The following SUMF1 variants were observed in gnomAD, a reference collection of about 807,000 sequenced individuals.
SUMF1 encodes sulfatase modifying factor 1.
SUMF1 carries 48 observed loss-of-function variants against 47.6 expected under a neutral mutation model. That is an observed-to-expected ratio of 1.01 (90% CI 0.80 to 1.28). The LOEUF (loss-of-function observed/expected upper bound fraction) is 1.28. Ranked by LOEUF, SUMF1 falls within the 50% of genes most tolerant of loss-of-function variation. The pLI is 0.00. For synonymous variants in SUMF1, 230 were observed against 192.1 expected, an observed-to-expected ratio of 1.20 and a Z score of -1.63; for missense variants, 571 against 485.4, an observed-to-expected ratio of 1.18 and a Z score of -1.66.
intron 8 of SUMF1, among the ~76,000 whole-genome samples, chr3:4,140,481 G>T (rs1167181391): frequency 2.0e-5 from 3 of 151,700 alleles, no homozygotes; most frequent in Non-Finnish European, 2.9e-5. Flanking sequence ...TTAGTATTTT[G>T]TCAAGTAGGA....
chr3:4,317,171 T>G (rs1043343079), intron 8 of SUMF1: 29 of 1,550,106 alleles, frequency 1.9e-5, no homozygotes, highest in Non-Finnish European at 2.4e-5. Flanking sequence ...GCACGGATTT[T>G]TACGCTACAG....
intron 8 of SUMF1, among the ~76,000 whole-genome samples, chr3:4,269,238 T>C (rs1276564517): frequency 1.3e-5 from 2 of 152,172 alleles, no homozygotes; most frequent in South Asian, 2.1e-4. Flanking sequence ...TAGTTACATA[T>C]GTATACATGT....
At chr3:4,165,948 C>T (rs1234841554) in intron 8 of SUMF1, among the ~76,000 whole-genome samples, 1 of 151,256 alleles carries the variant, frequency 6.6e-6, no homozygotes, top group Non-Finnish European at 1.5e-5. Context: ...GTAGCAGATC[C>T]CCCTCTTGCC....
intron 9 of SUMF1, among the ~76,000 whole-genome samples, chr3:4,037,803 T>TA (rs1438532887): frequency 1.3e-5 from 2 of 152,202 alleles, no homozygotes; most frequent in Non-Finnish European, 2.9e-5. Context: ...TTAACTGTGA[T>TA]ATAGATTGAA....
At chr3:4,193,347 T>G (rs918238552) in intron 8 of SUMF1, among the ~76,000 whole-genome samples, 1 of 152,126 alleles carries the variant, frequency 6.6e-6, no homozygotes, top group African/African-American at 2.4e-5. Context: ...AGACTGTAAG[T>G]GTAGCACTTT....
At chr3:4,306,826 G>C (rs1159441762) in intron 8 of SUMF1, among the ~76,000 whole-genome samples, 1 of 152,204 alleles carries the variant, frequency 6.6e-6, no homozygotes, top group African/African-American at 2.4e-5. Flanking sequence ...TTTGGCTACT[G>C]TGTGAAAAGG....
Position 4,169,100 on chromosome 3 carries a change from T to A in SUMF1, c.1015-100355A>T, listed in dbSNP as rs555128410. On this transcript the variant is annotated intron_variant and NMD_transcript_variant, in intron 8 of 12. Coordinates refer to the SUMF1 transcript ENST00000448413. ...CTGAAGTAAGGCAAAGATGTCTCTA[T>A]GCAGCTTTCCCAGAGGTAAATATTG... 3.3e-5 allele frequency among the ~76,000 whole-genome samples: 5 copies of A among 152,304 alleles called. No homozygotes were observed. The East Asian group carries it at 9.7e-4, about 29-fold the overall frequency.
intron 7 of SUMF1, among the ~76,000 whole-genome samples, chr3:4,379,757 A>T (rs1415340677): frequency 1.3e-5 from 2 of 148,358 alleles, no homozygotes. Flanking sequence ...CAGGAGAATC[A>T]CTTGAATCCG....
chr3:4,133,211 G>A (rs1292679855), intron 8 of SUMF1, among the ~76,000 whole-genome samples: 1 of 152,080 alleles, frequency 6.6e-6, no homozygotes, highest in East Asian at 1.9e-4. Context: ...CCTTTATCAT[G>A]TGACATAAGA....
intron 3 of SUMF1, among the ~76,000 whole-genome samples, chr3:4,426,842 T>C (rs1054545266): frequency 2.6e-5 from 4 of 152,208 alleles, no homozygotes; most frequent in Non-Finnish European, 4.4e-5. Context: ...AAAAGGACTT[T>C]AACATGACCT....
chr3:4,063,757 T>C (rs759166554), intron 9 of SUMF1, among the ~76,000 whole-genome samples: 2 of 152,198 alleles, frequency 1.3e-5, no homozygotes, highest in South Asian at 2.1e-4. Context: ...ACATGTATTA[T>C]ATTACTCAAT....
Position 4,423,082 on chromosome 3 carries a change from G to A in SUMF1, c.520-2936C>T, listed in dbSNP as rs146437273. Among the ~76,000 whole-genome samples, 56 of 152,266 alleles carry A rather than the reference G, an allele frequency of 3.7e-4. 1 individual carries two copies. The highest frequency in any genetic ancestry group is 1.2e-3 in the African/African-American group (51 of 41,552). The stretch of plus-strand genomic sequence containing the variant: ...CTTCACTTAGAATAATGGAAAGAGC[G>A]TGGAGATTCCCTAAGGAACTAAAAG... On this transcript the variant is annotated intron_variant, in intron 3 of 8. Coordinates refer to ENST00000272902, the MANE Select transcript of SUMF1 (RefSeq NM_182760.4).
At chr3:4,462,343 T>C (rs1437871156) in intron 1 of SUMF1, among the ~76,000 whole-genome samples, 1 of 152,082 alleles carries the variant, frequency 6.6e-6, no homozygotes, top group Non-Finnish European at 1.5e-5. Flanking sequence ...AGTTATCTTA[T>C]CAGTAGGAGA....
downstream of SUMF1, among the ~76,000 whole-genome samples, chr3:4,359,940 C>T (rs569042754): frequency 1.7e-3 from 263 of 152,274 alleles, no homozygotes; most frequent in African/African-American, 6.0e-3. Flanking sequence ...CCGTCCCCAA[C>T]TTAGGAATTC....
At chr3:4,123,924 G>A (rs2125080385) in intron 8 of SUMF1, among the ~76,000 whole-genome samples, 1 of 152,240 alleles carries the variant, frequency 6.6e-6, no homozygotes, top group Admixed American at 6.5e-5. Context: ...TGATCCGTGT[G>A]AGTGTTTATG....
In SUMF1 at chr3:4,367,882, T is replaced by C. The variant is rs868495106; in HGVS notation, c.1015-5628A>G. Among the ~76,000 whole-genome samples the C allele has an allele frequency of 2.3e-3, 346 of 151,656 alleles. 1 individual carries two copies. Among genetic ancestry groups the C allele is most frequent in the African/African-American group, 7.5e-3 (309 of 41,372 alleles). ...ACGTTAGACCTAAAGCCATAAAAAC[T>C]CTAGAAGAAAACCTAGGCATTACCA... On this transcript the variant is annotated intron_variant, in intron 8 of 8. Transcript: ENST00000272902.
intron 9 of SUMF1, among the ~76,000 whole-genome samples, chr3:4,035,641 T>C (rs900941031): frequency 5.3e-5 from 8 of 152,180 alleles, no homozygotes; most frequent in Admixed American, 6.5e-5. Context: ...TTAGGCTGTA[T>C]GATAGATAGA....
intron 8 of SUMF1, among the ~76,000 whole-genome samples, chr3:4,122,666 G>C (rs1429375130): frequency 6.6e-6 from 1 of 152,152 alleles, no homozygotes; most frequent in African/African-American, 2.4e-5. Context: ...GGCAGACATG[G>C]GATCAAGATC....
chr3:4,332,378 CA>C (rs757275869), intron 8 of SUMF1, among the ~76,000 whole-genome samples: 4 of 152,192 alleles, frequency 2.6e-5, no homozygotes, highest in Non-Finnish European at 5.9e-5. Context: ...TTATGTGAAA[CA>C]AGGTAGAAAA....
Sources: allele counts gnomAD v4.1 joint callset (sites outside exome capture counted in the v4.1 genomes callset), GRCh38; gene constraint gnomAD v4.1.1; transcripts MANE v1.5; gene names NCBI Gene and HGNC (gene_info 2026-07-23, HGNC 2026-07-21).